SPEG: variants seen among roughly 807,000 people sequenced by gnomAD.
SPEG encodes striated muscle enriched protein kinase.
In SPEG, 114 loss-of-function variants were observed where a neutral mutation model predicts 300.4. The observed-to-expected ratio is 0.38, with a 90% CI of 0.33 to 0.44. SPEG has a LOEUF of 0.44. Among genes scored for constraint, SPEG ranks in the 20% least tolerant of loss-of-function variants. The probability of loss-of-function intolerance (pLI) is 1.00; values close to 1 mark genes in which losing one functional copy is unlikely to be tolerated. For synonymous variants in SPEG, 1,964 were observed against 2,018.9 expected, an observed-to-expected ratio of 0.97 and a Z score of 0.73; for missense variants, 4,201 against 4,586.2, an observed-to-expected ratio of 0.92 and a Z score of 2.43.
At chr2:219,472,368 G>A in intron 15 of SPEG, 37 bp downstream of exon 15, 1 of 1,576,542 alleles carries the variant, frequency 6.3e-7, no homozygotes, top group Non-Finnish European at 8.7e-7. Flanking sequence ...GGTGGGGAAG[G>A]GGTGTGGAGA....
intron 32 of SPEG, 71 bp downstream of exon 32, chr2:219,488,381 T>TGGGC: frequency 6.6e-7 from 1 of 1,505,478 alleles, no homozygotes; most frequent in Non-Finnish European, 9.1e-7. Flanking sequence ...TGGGAGGGGC[T>TGGGC]AGGCCGGAGT....
At position 219,448,745 on chromosome 2, in the gene SPEG, G is replaced by A; in HGVS notation, c.1587G>A (p.Glu529=). ...TGCAGCGTGCCCCATCCCCTCGAGA[G>A]CCCGGCGAGCCCCCGCTCTTCTCTC... The part of the protein sequence containing the change: ...ATLQRAPSPR[E]PGEPPLFSRP... Residue 529 remains glutamate (E), a synonymous_variant, in exon 4 of 41, where the codon GAG becomes GAA. Transcript: ENST00000312358. 1 of 1,473,752 alleles carries A rather than the reference G, an allele frequency of 6.8e-7. No homozygotes were observed. The highest frequency in any genetic ancestry group is 8.9e-7 in the Non-Finnish European group (1 of 1,119,136). 91.3% of individuals were successfully genotyped at this position (1,473,752 alleles called of 1,614,324 possible).
rs1559413987 is a variant in SPEG at position 219,480,650 on chromosome 2, A to G, written c.5343-21A>G. ...TCAGAGAGGGGCGGTCCTCTTACCT[A>G]TCACTCTCCTTTTCCCACAGGCCTG... On this transcript the variant is annotated intron_variant, in intron 25 of 40. Coordinates refer to ENST00000312358, the MANE Select transcript of SPEG (RefSeq NM_005876.5). This position sits in a 1 kb window ranked among gnomAD's most constrained non-coding sequence, Gnocchi z 5.3. 1 of 1,612,606 alleles carries G rather than the reference A, an allele frequency of 6.2e-7. No individual in the cohort carries two copies. Among genetic ancestry groups the G allele is most frequent in the African/African-American group, 1.3e-5 (1 of 74,756 alleles).
At chr2:219,441,299 GTGTGTGTGAA>G (rs1360728224) in intron 1 of SPEG, among the ~76,000 whole-genome samples, 1 of 152,170 alleles carries the variant, frequency 6.6e-6, no homozygotes, top group Non-Finnish European at 1.5e-5. Context: ...ACCTTTGCTT[GTGTGTGTGAA>G]TGTACGGGGG....
Position 219,448,405 on chromosome 2 carries a change from G to A in SPEG, c.1247G>A (p.Arg416His). The A allele has an allele frequency of 6.5e-7, 1 of 1,530,722 alleles. No homozygotes were observed. The highest frequency in any genetic ancestry group is 2.0e-5 in the Admixed American group (1 of 48,860). The allele number at this position is 1,530,722 out of a possible 1,614,324, so 94.8% of individuals were successfully genotyped here. The change falls in exon 4 of 41, where the codon CGC (arginine) becomes CAC (histidine). Residue 416 changes from arginine to histidine, a missense_variant. Physicochemically the swap from Arg to His is conservative, Grantham distance 29. Around this residue, in one of 4 missense-constraint regions of SPEG, gnomAD observed 1,258 missense variants for 1,293.9 expected, o/e 0.97. Coordinates refer to ENST00000312358, the MANE Select transcript of SPEG (RefSeq NM_005876.5). ...GAGGAGCGACGGCGCAGCCTGGAGC[G>A]CAGCGACTCGCCGCCGGCGCCCCTG... Reference protein sequence around the residue: ...FFEERRRSLERSDSPPAPLRP... With the variant: ...FFEERRRSLEHSDSPPAPLRP...
intron 3 of SPEG, among the ~76,000 whole-genome samples, 156 bp from the exon 4 acceptor site, chr2:219,447,818 G>C (rs993550267): frequency 6.6e-6 from 1 of 150,678 alleles, no homozygotes; most frequent in East Asian, 1.9e-4. Flanking sequence ...CTGGCTGTGC[G>C]CTCCTCGTGG....
At position 219,493,321 on chromosome 2, in the gene SPEG, A is replaced by C; in HGVS notation, c.*535A>C. The C allele has an allele frequency of 2.8e-6, 1 of 356,590 alleles. No individual in the cohort carries two copies. The highest frequency in any genetic ancestry group is 5.5e-6 in the Non-Finnish European group (1 of 180,604). The allele number at this position is 356,590 out of a possible 1,614,324, so 22.1% of individuals were successfully genotyped here. A position where few individuals can be genotyped will look rare whatever the true frequency, so the allele number is the denominator to read the frequency against. On this transcript the variant is annotated 3_prime_UTR_variant, in exon 41 of 41. Transcript: ENST00000312358. ...GAGGGAGAAGAGAGGACTCAGGTGG[A>C]GGTGGGGTGGGTCAGCTGTCAGCAT...
rs1295162368 is a variant in SPEG, at chr2:219,462,351, C to T, written c.2670C>T (p.Ile890=). 2.6e-6 allele frequency: 4 copies of T among 1,567,000 alleles called. No individual in the cohort carries two copies. Among genetic ancestry groups the T allele is most frequent in the Non-Finnish European group, 3.5e-6 (4 of 1,155,108 alleles). The change falls in exon 8 of 41, where the codon ATC becomes ATT. Residue 890 remains isoleucine, a synonymous_variant. Coordinates refer to ENST00000312358, the MANE Select transcript of SPEG (RefSeq NM_005876.5). ...VREGQDVIMS[I]RVQGEPKPVV... The stretch of plus-strand genomic sequence containing the variant: ...AAGGCCAAGATGTCATCATGAGCAT[C>T]CGCGTGCAGGGGGAGCCCAAGCCTG...
rs772893756 is a variant in SPEG, at chr2:219,451,131, G to T, written c.2114-5G>T. On this transcript the variant is annotated splice_polypyrimidine_tract_variant and splice_region_variant and intron_variant, in intron 4 of 40. Coordinates refer to ENST00000312358, the MANE Select transcript of SPEG (RefSeq NM_005876.5). This position sits in a 1 kb window ranked among gnomAD's most constrained non-coding sequence, Gnocchi z 6.4. Reference sequence around the variant, plus strand: ...CCCTTACCCCGTTATTCCTGTGTCCGGCAGAGTCTTCGGATGACTCCTACG... The same window carrying T: ...CCCTTACCCCGTTATTCCTGTGTCCTGCAGAGTCTTCGGATGACTCCTACG... The T allele has an allele frequency of 6.2e-7, 1 of 1,608,880 alleles. No homozygotes were observed. Among genetic ancestry groups the T allele is most frequent in the Non-Finnish European group, 8.5e-7 (1 of 1,177,708 alleles).
At position 219,471,912 on chromosome 2, in the gene SPEG, C is replaced by G; in HGVS notation, c.3760C>G (p.His1254Asp). Residue 1254 changes from histidine (H) to aspartate (D), a missense_variant, in exon 14 of 41, where the codon CAC (histidine) becomes GAC (aspartate). This residue lies in a region of SPEG where 1,047 missense variants were observed against 1,356.8 expected (regional missense o/e 0.77). Coordinates refer to ENST00000312358, the MANE Select transcript of SPEG (RefSeq NM_005876.5). ...GGTGTTCCCTGCCGTGGGGCCTCAG[C>G]ACGCCGGTGTCTACAAGAGCGTCAT... Reference protein sequence around the residue: ...RLVFPAVGPQHAGVYKSVIAN... With the variant: ...RLVFPAVGPQDAGVYKSVIAN... 4 of 1,614,058 alleles carry G rather than the reference C, an allele frequency of 2.5e-6. No homozygotes were observed. The highest frequency in any genetic ancestry group is 1.1e-5 in the South Asian group (1 of 91,090).
In SPEG at chr2:219,479,890, C is replaced by T; in HGVS notation, c.5163+30C>T. The T allele has an allele frequency of 1.2e-6, 2 of 1,614,010 alleles. No individual in the cohort carries two copies. Among genetic ancestry groups the T allele is most frequent in the Non-Finnish European group, 1.7e-6 (2 of 1,179,924 alleles). ...GGTGGGGACTGGAGAGCAGACAGCCCCTGTGGGAGCCAGGAGGTGAAGCAT... is the reference window on the plus strand; with the variant it reads ...GGTGGGGACTGGAGAGCAGACAGCCTCTGTGGGAGCCAGGAGGTGAAGCAT... On this transcript the variant is annotated intron_variant, in intron 24 of 40. Transcript: ENST00000312358. This position sits in a 1 kb window ranked among gnomAD's most constrained non-coding sequence, Gnocchi z 5.5.
At position 219,472,909 on chromosome 2, in the gene SPEG, C is replaced by T; in HGVS notation, c.3960C>T (p.Tyr1320=). ...CGCCAGACCCGGACTCCCTGACGTA[C>T]ACAGTGCAGCACCAGGTGCTGGGCT... The part of the protein sequence containing the change: ...DMAIDPDSLT[Y]TVQHQVLGSD... The change falls in exon 16 of 41, where the codon TAC becomes TAT. Residue 1320 remains tyrosine (Y), a synonymous_variant. Transcript: ENST00000312358. 1 of 1,605,292 alleles carries T rather than the reference C, an allele frequency of 6.2e-7. No individual in the cohort carries two copies. Among genetic ancestry groups the T allele is most frequent in the Non-Finnish European group, 8.5e-7 (1 of 1,173,984 alleles).
Position 219,493,060 on chromosome 2 carries a change from G to C in SPEG, c.*274G>C. On this transcript the variant is annotated 3_prime_UTR_variant, in exon 41 of 41. Coordinates refer to ENST00000312358, the MANE Select transcript of SPEG (RefSeq NM_005876.5). Reference sequence around the variant, plus strand: ...GGGACAAGAGGGGAATGGAGAAGTGGAGAGGAAAAGGAATCGAGGGACAGG... The same window carrying C: ...GGGACAAGAGGGGAATGGAGAAGTGCAGAGGAAAAGGAATCGAGGGACAGG... 1.5e-6 allele frequency: 1 copy of C among 680,082 alleles called. No homozygotes were observed. The highest frequency in any genetic ancestry group is 2.8e-5 in the East Asian group (1 of 35,380). The allele number at this position is 680,082 out of a possible 1,614,324, so 42.1% of individuals were successfully genotyped here.
intron 9 of SPEG, chr2:219,465,870 TGTGTGCGTGC>T (rs890126220): frequency 3.2e-5 from 20 of 622,278 alleles, no homozygotes; most frequent in Non-Finnish European, 4.4e-5. Flanking sequence ...TGTGTGTGCG[TGTGTGCGTGC>T]GTGTGCATGT....
intron 3 of SPEG, among the ~76,000 whole-genome samples, chr2:219,446,995 T>TTGATA (rs1689342196): frequency 8.7e-6 from 1 of 114,898 alleles, no homozygotes; most frequent in African/African-American, 3.0e-5. Flanking sequence ...TTTTTTTGCT[T>TTGATA]ATCTTTATGT....
chr2:219,444,546 C>T lies in SPEG; in HGVS notation c.389-107C>T, dbSNP rs916155080. The T allele has an allele frequency of 1.1e-5, 10 of 921,504 alleles. No homozygotes were observed. The highest frequency in any genetic ancestry group is 9.8e-5 in the African/African-American group (6 of 60,974). 57.1% of individuals were successfully genotyped at this position (921,504 alleles called of 1,614,324 possible). ...AAGAGAGGAGGTGCTGGCAGCCCTG[C>T]CAGTGATAAGATGGAGCCTGCTGTT... On this transcript the variant is annotated intron_variant, in intron 1 of 40. Transcript: ENST00000312358. The surrounding 1 kb of genome is among the most constrained non-coding windows in gnomAD (Gnocchi z 7.8).
Position 219,445,484 on chromosome 2 carries a change from T to G in SPEG, c.815+323T>G. Reference sequence around the variant, plus strand: ...TTTGCCTCACCCATTTGGGCTCCAGTTGTCCCCAGGATCCCTCCCCCGACC... The same window carrying G: ...TTTGCCTCACCCATTTGGGCTCCAGGTGTCCCCAGGATCCCTCCCCCGACC... On this transcript the variant is annotated intron_variant, in intron 3 of 40. Coordinates refer to ENST00000312358, the MANE Select transcript of SPEG (RefSeq NM_005876.5). The surrounding 1 kb of genome is among the most constrained non-coding windows in gnomAD (Gnocchi z 6.1). 2.4e-6 allele frequency: 1 copy of G among 414,908 alleles called. No homozygotes were observed. The highest frequency in any genetic ancestry group is 4.4e-6 in the Non-Finnish European group (1 of 228,848). 25.7% of individuals were successfully genotyped at this position (414,908 alleles called of 1,614,324 possible).
At position 219,435,083 on chromosome 2, in the gene SPEG, C is replaced by T; in HGVS notation, c.106C>T (p.Pro36Ser). The T allele has an allele frequency of 6.8e-7, 1 of 1,467,288 alleles. No homozygotes were observed. Among genetic ancestry groups the T allele is most frequent in the Non-Finnish European group, 8.9e-7 (1 of 1,119,448 alleles). 90.9% of individuals were successfully genotyped at this position (1,467,288 alleles called of 1,614,324 possible). A position where few individuals can be genotyped will look rare whatever the true frequency, so the allele number is the denominator to read the frequency against. ...CAAGGTGGGGGCCGGCGGCGGGGCT[C>T]CTGTGGCCGTGGCCGGGGCGCCAGT... ...RAKVGAGGGAPVAVAGAPVFL... is the reference protein window; with the variant it reads ...RAKVGAGGGASVAVAGAPVFL... The change falls in exon 1 of 41, where the codon CCT becomes TCT. Residue 36 changes from proline (P) to serine (S), a missense_variant. Transcript: ENST00000312358.
rs762299044 is a variant in SPEG at position 219,464,441 on chromosome 2, A to G, written c.2714A>G (p.Asn905Ser). 1 of 1,609,670 alleles carries G rather than the reference A, an allele frequency of 6.2e-7. No individual in the cohort carries two copies. The part of the protein sequence containing the change: ...EPKPVVSWLR[N>S]RQPVRPDQRR... ...TCTTGCCCCTCTGACAGGCTGAGAA[A>G]CCGCCAGCCCGTGCGCCCAGACCAG... The change falls in exon 9 of 41, where the codon AAC (asparagine) becomes AGC (serine). Residue 905 changes from asparagine to serine, a missense_variant. Coordinates refer to ENST00000312358, the MANE Select transcript of SPEG (RefSeq NM_005876.5). This position sits in a 1 kb window ranked among gnomAD's most constrained non-coding sequence, Gnocchi z 4.5.
Sources: allele counts gnomAD v4.1 joint callset (sites outside exome capture counted in the v4.1 genomes callset), GRCh38; gene constraint gnomAD v4.1.1; regional missense constraint gnomAD v4.1.1; non-coding constraint Gnocchi (gnomAD v3.1); transcripts MANE v1.5; gene names NCBI Gene and HGNC (gene_info 2026-07-23, HGNC 2026-07-21).